SYNE2: variants seen among roughly 807,000 people sequenced by gnomAD.
The protein encoded by SYNE2 is nesprin-2.
In SYNE2, 431 loss-of-function variants were observed where a neutral mutation model predicts 856.3. That is an observed-to-expected ratio of 0.50 (90% confidence interval 0.47 to 0.55). SYNE2 has a LOEUF of 0.55. SYNE2 is among the 20% of genes least tolerant of loss of function. The pLI, the probability that SYNE2 is intolerant of heterozygous loss-of-function variation, is 0.00. For missense variants in SYNE2, 8,129 were observed against 8,023.2 expected (o/e 1.01, Z -0.50); for synonymous variants, 2,923 against 2,872.3 (o/e 1.02, Z -0.56).
At chr14:63,859,444 T>C (rs1252416180) in intron 1 of SYNE2, among the ~76,000 whole-genome samples, 2 of 152,250 alleles carry the variant, frequency 1.3e-5, no homozygotes, top group Admixed American at 6.5e-5. Flanking sequence ...TTTAGTCTTT[T>C]AAATTTATTC....
rs1177553074 is a variant in SYNE2 at position 63,982,728 on chromosome 14, A to G, written c.1935A>G (p.Ser645=). ...LVEVSNDVVG[S]SISKELRRLN... The stretch of plus-strand genomic sequence containing the variant: ...AAGTCAGCAATGATGTGGTTGGATC[A>G]TCTATTTCTAAAGAACTGAGAAGGC... The change falls in exon 17 of 116, where the codon TCA becomes TCG. Residue 645 remains serine, a synonymous_variant. Coordinates refer to ENST00000555002, the MANE Select transcript of SYNE2 (RefSeq NM_182914.3). 1.1e-5 allele frequency: 17 copies of G among 1,614,118 alleles called. No individual in the cohort carries two copies. Among genetic ancestry groups the G allele is most frequent in the Non-Finnish European group, 1.4e-5 (17 of 1,179,996 alleles).
chr14:63,928,318 C>T (rs893047522), intron 2 of SYNE2, among the ~76,000 whole-genome samples: 1 of 152,090 alleles, frequency 6.6e-6, no homozygotes, highest in East Asian at 1.9e-4. Context: ...ATAGTGATAA[C>T]GTAAATTCTT....
Position 64,167,407 on chromosome 14 carries a change from G to A in SYNE2, c.16760+20G>A, listed in dbSNP as rs771250428. 25 of 1,614,124 alleles carry A rather than the reference G, an allele frequency of 1.5e-5. No individual in the cohort carries two copies. In the South Asian group the frequency reaches 1.6e-4, roughly 11 times the overall value. On this transcript the variant is annotated intron_variant, in intron 91 of 115. Coordinates refer to ENST00000555002, the MANE Select transcript of SYNE2 (RefSeq NM_182914.3). ...CTGCAGGTTAGAACATCCCTTCTCT[G>A]TCGTTGTTTCAATTAAGGTAAAATT...
intron 2 of SYNE2, among the ~76,000 whole-genome samples, chr14:63,930,897 A>T (rs1252955285): frequency 6.6e-6 from 1 of 152,168 alleles, no homozygotes; most frequent in East Asian, 1.9e-4. Context: ...CAAATTATTG[A>T]ACCTGAGGAG....
intron 2 of SYNE2, among the ~76,000 whole-genome samples, chr14:63,936,412 G>A (rs2095834160): frequency 2.0e-5 from 3 of 152,252 alleles, no homozygotes; most frequent in Middle Eastern, 6.8e-3. Flanking sequence ...GGGATCGGGA[G>A]TTGGGGGTGT....
At chr14:64,010,224 G>T in intron 32 of SYNE2, 108 bp downstream of exon 32, 8 of 1,220,324 alleles carry the variant, frequency 6.6e-6, no homozygotes, top group Non-Finnish European at 9.4e-6. Flanking sequence ...TTTAAAAGAA[G>T]TTACTAGTGA....
At chr14:63,882,559 TA>T (rs11311787) in intron 1 of SYNE2, among the ~76,000 whole-genome samples, 92,843 of 143,370 alleles carry the variant, frequency 0.65, 29,593 homozygotes, top group South Asian at 0.78. Context: ...CTACACAAAG[TA>T]AAAAAAAAAA....
At chr14:63,952,393 T>G (rs1327421034) in intron 7 of SYNE2, among the ~76,000 whole-genome samples, 2 of 152,248 alleles carry the variant, frequency 1.3e-5, no homozygotes, top group East Asian at 1.9e-4. Context: ...TGCCATTACT[T>G]TTAATTACTT....
At chr14:63,938,777 G>A (rs2095863047) in intron 2 of SYNE2, among the ~76,000 whole-genome samples, 1 of 152,182 alleles carries the variant, frequency 6.6e-6, no homozygotes, top group African/African-American at 2.4e-5. Context: ...GGGCATGGAG[G>A]GGATTTTGCT....
chr14:63,945,056 C>T (rs1042483168), intron 6 of SYNE2, among the ~76,000 whole-genome samples: 5 of 149,208 alleles, frequency 3.4e-5, no homozygotes, highest in Admixed American at 2.0e-4. Context: ...CCACGCACCT[C>T]GGCCTCCCAA....
chr14:63,933,903 C>G (rs2095797242), intron 2 of SYNE2, among the ~76,000 whole-genome samples: 1 of 152,172 alleles, frequency 6.6e-6, no homozygotes, highest in Non-Finnish European at 1.5e-5. Flanking sequence ...GGTTCCTTAT[C>G]CTGCCATAGG....
intron 115 of SYNE2, 58 bp from the exon 116 acceptor site, chr14:64,225,261 T>TC (rs1416955282): frequency 1.1e-5 from 18 of 1,613,046 alleles, no homozygotes; most frequent in Admixed American, 1.7e-5. Context: ...GCTTAGGTAA[T>TC]AGAGTGGGTT....
chr14:63,980,344 A>T (rs184547837), intron 14 of SYNE2, among the ~76,000 whole-genome samples: 2 of 152,350 alleles, frequency 1.3e-5, no homozygotes, highest in Admixed American at 1.3e-4. Context: ...GGAAATGTGC[A>T]AAGTAGGAGA....
chr14:64,135,539 CTA>C (rs1395458880), intron 78 of SYNE2, among the ~76,000 whole-genome samples: 1 of 151,960 alleles, frequency 6.6e-6, no homozygotes, highest in Non-Finnish European at 1.5e-5. Context: ...CTTTGTTAGT[CTA>C]GGGATACAGA....
intron 98 of SYNE2, among the ~76,000 whole-genome samples, 157 bp from the exon 99 acceptor site, chr14:64,189,914 C>T (rs1341349915): frequency 6.6e-6 from 1 of 151,508 alleles, no homozygotes; most frequent in Non-Finnish European, 1.5e-5. Flanking sequence ...CCTCTTGCCT[C>T]GGCTTCCCAA....
chr14:63,874,196 T>G (rs2094659890), intron 1 of SYNE2, among the ~76,000 whole-genome samples: 1 of 152,216 alleles, frequency 6.6e-6, no homozygotes, highest in South Asian at 2.1e-4. Flanking sequence ...TCAGAGTGTT[T>G]AACGTGTTGT....
Position 64,181,848 on chromosome 14 carries a change from A to G in SYNE2, c.17556+4365A>G, listed in dbSNP as rs576682022. Among the ~76,000 whole-genome samples, 3 of 152,262 alleles carry G rather than the reference A, an allele frequency of 2.0e-5. No individual in the cohort carries two copies. In the South Asian group the frequency reaches 6.2e-4, roughly 31 times the overall value. On this transcript the variant is annotated intron_variant, in intron 96 of 115. Transcript: ENST00000555002. ...TTACATATATTCTAACTTCACTATT[A>G]TGAAAATTGCTACAATGGACATCTG...
intron 1 of SYNE2, among the ~76,000 whole-genome samples, chr14:63,822,547 T>C (rs1452555523): frequency 2.6e-5 from 4 of 152,200 alleles, no homozygotes; most frequent in African/African-American, 9.6e-5. Flanking sequence ...TGACCCACCT[T>C]GTTACCCACC....
chr14:63,792,953 A>G (rs8015311), intron 1 of SYNE2, among the ~76,000 whole-genome samples: 96,049 of 151,970 alleles, frequency 0.63, 30,827 homozygotes, highest in South Asian at 0.75. Context: ...GCTGGATTAC[A>G]GGCTGAGCCA....
Sources: gnomAD v4.1 joint callset for allele counts (sites outside exome capture counted in the v4.1 genomes callset) on GRCh38, gnomAD v4.1.1 for gene constraint, MANE v1.5 for transcripts, NCBI Gene and HGNC (gene_info 2026-07-23, HGNC 2026-07-21) for gene names.